ANKRD27: variants seen among roughly 807,000 people sequenced by gnomAD.
The protein encoded by ANKRD27 is ankyrin repeat domain 27, also known as ankyrin repeat domain-containing protein 27.
Under a neutral mutation model 129.7 loss-of-function variants are expected in ANKRD27, and 112 were observed. The observed-to-expected ratio is 0.86, with a 90% CI of 0.74 to 1.01. The LOEUF is 1.01. Ranked by LOEUF, ANKRD27 falls within the 50% of genes least tolerant of loss-of-function variation. ANKRD27 has a pLI of 0.00. For synonymous variants in ANKRD27, 516 were observed against 511.2 expected (o/e 1.01, Z -0.13); for missense variants, 1,258 against 1,300.5 (o/e 0.97, Z 0.50).
At chr19:32,601,069 A>T (rs761234657) in intron 26 of ANKRD27, among the ~76,000 whole-genome samples, 2 of 148,802 alleles carry the variant, frequency 1.3e-5, no homozygotes, top group Non-Finnish European at 3.0e-5. Context: ...GAGGCCAAGG[A>T]GGGCGGATCA....
chr19:32,646,971 A>C (rs1471974105), intron 3 of ANKRD27, among the ~76,000 whole-genome samples: 1 of 152,022 alleles, frequency 6.6e-6, no homozygotes, highest in Non-Finnish European at 1.5e-5. Context: ...CACTACAGGC[A>C]CCCACCACCA....
chr19:32,639,599 C>A, intron 11 of ANKRD27, 111 bp from the exon 12 acceptor site: 4 of 1,160,404 alleles, frequency 3.4e-6, no homozygotes, highest in Non-Finnish European at 3.7e-6. Flanking sequence ...TTGGTTCGCT[C>A]AGGAAGCTAC....
At position 32,598,196 on chromosome 19, in the gene ANKRD27, C is replaced by T. The variant is rs1302925576; in HGVS notation, c.3102G>A (p.Glu1034=). Residue 1034 remains glutamate (E), a synonymous_variant, in exon 29 of 29, where the codon GAG becomes GAA. Coordinates refer to ENST00000306065, the MANE Select transcript of ANKRD27 (RefSeq NM_032139.3). ...VEDAVVSQGP[E]AAGPLSTPQE... ...GGGGAGTGGAGAGGGGGCCAGCAGC[C>T]TCCGGGCCCTGGGACACGACCGCAT... 6.2e-7 allele frequency: 1 copy of T among 1,614,146 alleles called. No individual in the cohort carries two copies. The highest frequency in any genetic ancestry group is 8.5e-7 in the Non-Finnish European group (1 of 1,180,036).
Position 32,601,995 on chromosome 19 carries a change from G to T in ANKRD27, c.2767+20C>A. ...AAATATACCCAACTTGAGCGTGACA[G>T]AAAGAACGTAAACTCTTACATTTTT... On this transcript the variant is annotated intron_variant, in intron 26 of 28. Coordinates refer to ENST00000306065, the MANE Select transcript of ANKRD27 (RefSeq NM_032139.3). 6.6e-7 allele frequency: 1 copy of T among 1,523,894 alleles called. No individual in the cohort carries two copies. The highest frequency in any genetic ancestry group is 9.1e-7 in the Non-Finnish European group (1 of 1,102,738). 94.4% of individuals were successfully genotyped at this position (1,523,894 alleles called of 1,614,324 possible).
rs148220077 is a variant in ANKRD27 at position 32,607,737 on chromosome 19, C to A, written c.2271G>T (p.Ala757=). ...PLHVAALHGR[A]DLIPLLLKHG... Reference sequence around the variant, plus strand: ...GCTTCAGCAGGAGGGGGATGAGGTCCGCCCGGCCGTGCAGGGCGGCGACAT... The same window carrying A: ...GCTTCAGCAGGAGGGGGATGAGGTCAGCCCGGCCGTGCAGGGCGGCGACAT... The change falls in exon 23 of 29, where the codon GCG becomes GCT. Residue 757 remains alanine (A), a synonymous_variant. Coordinates refer to ENST00000306065, the MANE Select transcript of ANKRD27 (RefSeq NM_032139.3). The A allele has an allele frequency of 2.5e-6, 4 of 1,612,890 alleles. No homozygotes were observed. Among genetic ancestry groups the A allele is most frequent in the South Asian group, 2.2e-5 (2 of 90,950 alleles).
intron 28 of ANKRD27, among the ~76,000 whole-genome samples, chr19:32,598,636 C>G (rs1350097689): frequency 6.6e-6 from 1 of 152,130 alleles, no homozygotes; most frequent in East Asian, 1.9e-4. Context: ...CCGTTTTACA[C>G]CTGAGGAAAC....
chr19:32,626,795 T>G lies in ANKRD27; in HGVS notation c.1453A>C (p.Lys485Gln), dbSNP rs150762608. The part of the protein sequence containing the change: ...QASLIDLLVS[K>Q]GAMVNATDYH... Reference sequence around the variant, plus strand: ...TCTGTGGCATTTACCATGGCGCCCTTGGAAACCAGGAGGTCGATGAGGGAT... The same window carrying G: ...TCTGTGGCATTTACCATGGCGCCCTGGGAAACCAGGAGGTCGATGAGGGAT... Residue 485 changes from lysine (K) to glutamine (Q), a missense_variant, in exon 16 of 29, where the codon AAG becomes CAG. Physicochemically the swap from Lys to Gln is moderately conservative, Grantham distance 53. Coordinates refer to ENST00000306065, the MANE Select transcript of ANKRD27 (RefSeq NM_032139.3). The G allele has an allele frequency of 2.5e-6, 4 of 1,612,042 alleles. No individual in the cohort carries two copies. In the South Asian group the frequency reaches 3.3e-5, roughly 13 times the overall value.
At chr19:32,659,133 CTT>C (rs200281838) in intron 1 of ANKRD27, 88 bp from the exon 2 acceptor site, 20 of 331,156 alleles carry the variant, frequency 6.0e-5, no homozygotes, top group African/African-American at 1.8e-4. Context: ...CTGGCATTTT[CTT>C]TTTCTTTTTT....
chr19:32,643,262 T>G (rs1205189336), intron 8 of ANKRD27, 25 bp downstream of exon 8: 2 of 1,613,900 alleles, frequency 1.2e-6, no homozygotes, highest in Non-Finnish European at 1.7e-6. Context: ...GCTTCCATCT[T>G]GGGTGATAAT....
At chr19:32,625,435 CT>C (rs34165165) in intron 17 of ANKRD27, among the ~76,000 whole-genome samples, 80,303 of 133,062 alleles carry the variant, frequency 0.6, 23,074 homozygotes, top group African/African-American at 0.64. Flanking sequence ...TAAACATTCT[CT>C]TTTTTTTTTT....
In ANKRD27 at chr19:32,674,685, C is replaced by T. The variant is rs528151135; in HGVS notation, c.-31+386G>A. ...GCTCGGACCCCCACCCGCCGCTCCC[C>T]TCCAGCAGACCCTAGGCCTCCGGGA... is the stretch of plus-strand genomic sequence containing the variant. On this transcript the variant is annotated intron_variant, in intron 1 of 28. Transcript: ENST00000306065. Among the ~76,000 whole-genome samples, 7 of 152,218 alleles carry T rather than the reference C, an allele frequency of 4.6e-5. No homozygotes were observed. The South Asian group carries it at 1.4e-3, about 32-fold the overall frequency.
intron 25 of ANKRD27, among the ~76,000 whole-genome samples, chr19:32,603,898 G>A (rs754083417): frequency 4.6e-5 from 7 of 152,120 alleles, no homozygotes; most frequent in Non-Finnish European, 8.8e-5. Context: ...CTAAGACAAC[G>A]GCTGTGTTCA....
Position 32,601,117 on chromosome 19 carries a change from T to G in ANKRD27, c.2767+898A>C, listed in dbSNP as rs565518609. On this transcript the variant is annotated intron_variant, in intron 26 of 28. Coordinates refer to ENST00000306065, the MANE Select transcript of ANKRD27 (RefSeq NM_032139.3). Reference sequence around the variant, plus strand: ...AGTTTGAGACCAGCCTGGCCAACATTGTGAAACCCTGTCTCTACTAAAAAT... The same window carrying G: ...AGTTTGAGACCAGCCTGGCCAACATGGTGAAACCCTGTCTCTACTAAAAAT... Among the ~76,000 whole-genome samples the G allele has an allele frequency of 1.6e-4, 24 of 150,592 alleles. No individual in the cohort carries two copies. The South Asian group carries it at 2.7e-3, about 17-fold the overall frequency.
Position 32,619,401 on chromosome 19 carries a change from G to A in ANKRD27, c.1888-22C>T, listed in dbSNP as rs757584332. 1.6e-5 allele frequency: 26 copies of A among 1,613,570 alleles called. 1 individual carries two copies. The highest frequency in any genetic ancestry group is 9.9e-5 in the South Asian group (9 of 91,062). ...GGGCCTGCAGCCAAGGAGCCCCAAC[G>A]AGAGAGAGGACAGGACACAAGGACA... On this transcript the variant is annotated intron_variant, in intron 19 of 28. Coordinates refer to ENST00000306065, the MANE Select transcript of ANKRD27 (RefSeq NM_032139.3).
At chr19:32,669,661 A>G (rs1218984236) in intron 1 of ANKRD27, among the ~76,000 whole-genome samples, 2 of 152,152 alleles carry the variant, frequency 1.3e-5, no homozygotes, top group Non-Finnish European at 2.9e-5. Flanking sequence ...GCTTCCATGG[A>G]CGAACTAAAA....
rs776637761 is a variant in ANKRD27 at position 32,622,644 on chromosome 19, T to A, written c.1630-25A>T. 5.6e-6 allele frequency: 9 copies of A among 1,611,616 alleles called. No individual in the cohort carries two copies. The Middle Eastern group carries it at 8.0e-4, about 144-fold the overall frequency. On this transcript the variant is annotated intron_variant, in intron 17 of 28. Transcript: ENST00000306065. The stretch of plus-strand genomic sequence containing the variant: ...ACTGCAAAGAGATGGGGAAATGGCA[T>A]CGCTCATGGATGTACCAAGCCTCGA...
intron 1 of ANKRD27, among the ~76,000 whole-genome samples, chr19:32,663,037 G>A (rs536056709): frequency 2.0e-4 from 31 of 152,328 alleles, no homozygotes; most frequent in Non-Finnish European, 3.2e-4. Context: ...GTGAGATTCT[G>A]TCTCAAAGAC....
chr19:32,602,004 T>C lies in ANKRD27; in HGVS notation c.2767+11A>G. On this transcript the variant is annotated intron_variant, in intron 26 of 28. Transcript: ENST00000306065. ...CAACTTGAGCGTGACAGAAAGAACG[T>C]AAACTCTTACATTTTTTCCTGATCT... 6.3e-7 allele frequency: 1 copy of C among 1,576,380 alleles called. No homozygotes were observed. The highest frequency in any genetic ancestry group is 1.3e-5 in the African/African-American group (1 of 74,178).
At chr19:32,648,122 C>T (rs1415449508) in intron 3 of ANKRD27, among the ~76,000 whole-genome samples, 2 of 151,890 alleles carry the variant, frequency 1.3e-5, no homozygotes, top group East Asian at 1.9e-4. Context: ...AAAAATTATC[C>T]GGGCATGGTG....
Sources: gnomAD v4.1 joint callset for allele counts (sites outside exome capture counted in the v4.1 genomes callset) on GRCh38, gnomAD v4.1.1 for gene constraint, MANE v1.5 for transcripts, NCBI Gene and HGNC (gene_info 2026-07-23, HGNC 2026-07-21) for gene names.